ERC2: variants seen among roughly 807,000 people sequenced by gnomAD.
ERC2 encodes the protein ERC protein 2.
A neutral mutation model predicts 114.8 loss-of-function variants in ERC2; 42 were observed. The ratio of observed to expected loss-of-function variants is 0.37; its 90% CI spans 0.29 to 0.47. ERC2 has a LOEUF of 0.47. Among genes scored for constraint, ERC2 ranks in the 20% least tolerant of loss-of-function variants. ERC2 has a pLI of 0.99. For missense variants in ERC2, 939 were observed against 1,150.7 expected (o/e 0.82, Z 2.66); for synonymous variants, 454 against 425.5 (o/e 1.07, Z -0.82).
At position 56,010,375 on chromosome 3, in the gene ERC2, T is replaced by C. The variant is rs995801346; in HGVS notation, c.1920+74A>G. On this transcript the variant is annotated intron_variant, in intron 9 of 17. Coordinates refer to ENST00000288221, the MANE Select transcript of ERC2 (RefSeq NM_015576.3). ...CATACAGTGCCTCCTACTAAGTCTC[T>C]AGTCTCTTGCAGCTTCATTGAATAT... 8 of 1,523,866 alleles carry C rather than the reference T, an allele frequency of 5.2e-6. No individual in the cohort carries two copies. The South Asian group carries it at 7.7e-5, about 15-fold the overall frequency. 94.4% of individuals were successfully genotyped at this position (1,523,866 alleles called of 1,614,324 possible). A position where few individuals can be genotyped will look rare whatever the true frequency, so the allele number is the denominator to read the frequency against.
At chr3:56,090,874 C>A (rs1576892963) in intron 6 of ERC2, among the ~76,000 whole-genome samples, 1 of 151,838 alleles carries the variant, frequency 6.6e-6, no homozygotes, top group South Asian at 2.1e-4. Flanking sequence ...CGATGAGAAC[C>A]CACCCCAGGT....
At chr3:56,215,552 TG>T (rs2049401653) in intron 3 of ERC2, among the ~76,000 whole-genome samples, 1 of 152,060 alleles carries the variant, frequency 6.6e-6, no homozygotes, top group Non-Finnish European at 1.5e-5. Context: ...TGGGAGAGTT[TG>T]ACACCCCACT....
At chr3:56,455,612 AAGT>A (rs747479893) in intron 1 of ERC2, among the ~76,000 whole-genome samples, 8 of 152,204 alleles carry the variant, frequency 5.3e-5, no homozygotes, top group Non-Finnish European at 1.2e-4. Context: ...TTAGATCATG[AAGT>A]TATTGTGAAG....
chr3:55,873,423 A>T (rs1422931722), intron 14 of ERC2, among the ~76,000 whole-genome samples: 3 of 152,222 alleles, frequency 2.0e-5, no homozygotes, highest in East Asian at 3.8e-4. Context: ...AGATGATAAC[A>T]GTACTTATCT....
At chr3:55,882,684 G>A (rs935915019) in intron 14 of ERC2, among the ~76,000 whole-genome samples, 2 of 152,180 alleles carry the variant, frequency 1.3e-5, no homozygotes, top group African/African-American at 4.8e-5. Context: ...GAGGATGTGC[G>A]TGGGTTATAT....
intron 16 of ERC2, among the ~76,000 whole-genome samples, chr3:55,698,209 G>GGGC (rs1173840077): frequency 6.6e-6 from 1 of 151,982 alleles, no homozygotes. Context: ...GGGTCTCGGA[G>GGGC]GGCAAAAGCT....
intron 3 of ERC2, among the ~76,000 whole-genome samples, chr3:56,180,080 C>T (rs1343272823): frequency 6.6e-6 from 1 of 152,102 alleles, no homozygotes; most frequent in Non-Finnish European, 1.5e-5. Context: ...AGAGCATGGC[C>T]TCCTGGAGAT....
chr3:55,891,236 T>C (rs187661075), intron 13 of ERC2, among the ~76,000 whole-genome samples: 2 of 152,222 alleles, frequency 1.3e-5, no homozygotes, highest in East Asian at 3.9e-4. Flanking sequence ...GTGTTACCCT[T>C]TCCCTGCCCT....
chr3:56,334,710 A>T (rs2057774988), intron 2 of ERC2, among the ~76,000 whole-genome samples: 1 of 152,198 alleles, frequency 6.6e-6, no homozygotes, highest in Admixed American at 6.5e-5. Context: ...AAGGTGATTG[A>T]TACTGATGGT....
At chr3:55,812,727 T>A (rs1372849793) in intron 14 of ERC2, among the ~76,000 whole-genome samples, 4 of 152,130 alleles carry the variant, frequency 2.6e-5, no homozygotes, top group African/African-American at 9.7e-5. Flanking sequence ...AAACCCAGGG[T>A]CATGGGTGTA....
chr3:55,679,868 A>G (rs924979706), intron 17 of ERC2, among the ~76,000 whole-genome samples: 1 of 152,144 alleles, frequency 6.6e-6, no homozygotes, highest in African/African-American at 2.4e-5. Context: ...CTCTAGTTCC[A>G]GGACAAGCAC....
At chr3:56,350,617 G>A (rs2058517266) in intron 2 of ERC2, among the ~76,000 whole-genome samples, 1 of 152,124 alleles carries the variant, frequency 6.6e-6, no homozygotes, top group Admixed American at 6.5e-5. Context: ...AGAGAGAGAT[G>A]CATTAAAGAA....
At chr3:55,561,839 T>C (rs192352442) in intron 17 of ERC2, among the ~76,000 whole-genome samples, 26 of 152,274 alleles carry the variant, frequency 1.7e-4, no homozygotes, top group African/African-American at 6.3e-4. Context: ...TGCCATATTA[T>C]TAAGTCATGA....
chr3:55,900,212 C>T (rs1366469611), intron 13 of ERC2, among the ~76,000 whole-genome samples: 4 of 152,202 alleles, frequency 2.6e-5, no homozygotes, highest in Non-Finnish European at 5.9e-5. Context: ...ACTCATTTCA[C>T]TTTGTTCTCT....
chr3:55,613,480 A>G (rs1455624758), intron 17 of ERC2, among the ~76,000 whole-genome samples: 2 of 152,232 alleles, frequency 1.3e-5, no homozygotes, highest in African/African-American at 4.8e-5. Flanking sequence ...GTGTATACAC[A>G]TTCACAACAT....
chr3:56,197,482 T>C (rs940133122), intron 3 of ERC2, among the ~76,000 whole-genome samples: 2 of 152,338 alleles, frequency 1.3e-5, no homozygotes, highest in East Asian at 3.9e-4. Context: ...TTTAGTCACA[T>C]GACCACACAT....
intron 14 of ERC2, among the ~76,000 whole-genome samples, chr3:55,783,704 T>G (rs959769508): frequency 6.7e-6 from 1 of 150,316 alleles, no homozygotes; most frequent in Non-Finnish European, 1.5e-5. Flanking sequence ...TCCTTGAGAA[T>G]ATAGAAAAAA....
At chr3:56,150,432 T>A (rs952287447) in intron 4 of ERC2, among the ~76,000 whole-genome samples, 4 of 152,186 alleles carry the variant, frequency 2.6e-5, no homozygotes, top group African/African-American at 9.6e-5. Context: ...GCAGTAAATT[T>A]ATGCAACTCT....
intron 1 of ERC2, among the ~76,000 whole-genome samples, chr3:56,462,114 C>T (rs2063342235): frequency 6.6e-6 from 1 of 152,154 alleles, no homozygotes. Flanking sequence ...TCATTTAATA[C>T]AAGGTCGTCA....
Sources: gnomAD v4.1 joint callset for allele counts (sites outside exome capture counted in the v4.1 genomes callset) on GRCh38, gnomAD v4.1.1 for gene constraint, MANE v1.5 for transcripts, NCBI Gene and HGNC (gene_info 2026-07-23, HGNC 2026-07-21) for gene names.